Variants in ZCCHC14 observed in about 807,000 individuals in gnomAD.
ZCCHC14 encodes the protein zinc finger CCHC-type containing 14.
ZCCHC14 carries 16 observed loss-of-function variants against 85.0 expected under a neutral mutation model. That is an observed-to-expected ratio of 0.19 (90% confidence interval 0.13 to 0.29). ZCCHC14 has a LOEUF of 0.29. ZCCHC14 is among the 10% of genes least tolerant of loss of function. The probability of loss-of-function intolerance (pLI) is 1.00; values close to 1 mark genes in which losing one functional copy is unlikely to be tolerated. For synonymous variants in ZCCHC14, 775 were observed against 630.7 expected (o/e 1.23, Z -3.43); for missense variants, 1,303 against 1,443.5 (o/e 0.90, Z 1.58).
At chr16:87,485,932 G>A (rs2334189) in intron 1 of ZCCHC14, among the ~76,000 whole-genome samples, 54,480 of 152,064 alleles carry the variant, frequency 0.36, 13,500 homozygotes, top group African/African-American at 0.7. Context: ...CCTATCTCCA[G>A]TTATCTTCGC....
rs1019978492 is a variant in ZCCHC14, at chr16:87,411,539, G to T, written c.3182C>A (p.Pro1061Gln). ...TGHRAQDCKQ[P>Q]SMDFNRPGTF... ...ACCTGGCCGGTTGAAGTCCATGGAC[G>T]GCTGTTTGCAGTCCTGGGCGCGGTG... The change falls in exon 12 of 13, where the codon CCG (proline) becomes CAG (glutamine). Residue 1061 changes from proline to glutamine, a missense_variant. By Grantham distance (76) the Pro-to-Gln change is moderately conservative (BLOSUM62 -1). Transcript: ENST00000671377. 2 of 1,613,608 alleles carry T rather than the reference G, an allele frequency of 1.2e-6. No individual in the cohort carries two copies. Among genetic ancestry groups the T allele is most frequent in the Non-Finnish European group, 1.7e-6 (2 of 1,180,020 alleles).
chr16:87,441,863 G>A (rs573818347), intron 2 of ZCCHC14, among the ~76,000 whole-genome samples: 6 of 152,328 alleles, frequency 3.9e-5, no homozygotes, highest in South Asian at 4.1e-4. Flanking sequence ...CAGGTAAGAC[G>A]GAGCAGCAAC....
chr16:87,419,762 A>G, intron 6 of ZCCHC14, 21 bp downstream of exon 6: 1 of 1,555,048 alleles, frequency 6.4e-7, no homozygotes, highest in South Asian at 1.2e-5. Flanking sequence ...ATTTATATTT[A>G]ACCATATTTT....
chr16:87,423,473 C>T (rs1056091850), intron 4 of ZCCHC14, among the ~76,000 whole-genome samples: 1 of 152,198 alleles, frequency 6.6e-6, no homozygotes, highest in Admixed American at 6.5e-5. Context: ...CCTGAGCATG[C>T]CTCTCTCCCC....
chr16:87,410,703 A>C (rs1908390388), intron 12 of ZCCHC14, among the ~76,000 whole-genome samples: 1 of 152,134 alleles, frequency 6.6e-6, no homozygotes, highest in Admixed American at 6.5e-5. Context: ...CAGCTTTATG[A>C]AGGGAGGCAC....
At chr16:87,438,691 T>G (rs1370736161) in intron 2 of ZCCHC14, among the ~76,000 whole-genome samples, 1 of 152,222 alleles carries the variant, frequency 6.6e-6, no homozygotes. Flanking sequence ...TAAAGGGCCC[T>G]GCTGGGGCAT....
At chr16:87,467,977 AGCCACTGCGCCTG>A (rs1380578282) in intron 1 of ZCCHC14, among the ~76,000 whole-genome samples, 1 of 152,152 alleles carries the variant, frequency 6.6e-6, no homozygotes, top group Non-Finnish European at 1.5e-5. Flanking sequence ...TACAGACATG[AGCCACTGCGCCTG>A]GCTCCCAAAG....
chr16:87,413,297 G>T, intron 10 of ZCCHC14, 102 bp from the exon 11 acceptor site: 4 of 1,414,694 alleles, frequency 2.8e-6, no homozygotes, highest in Non-Finnish European at 3.7e-6. Flanking sequence ...TCCTTCCAGG[G>T]AAACGCAGGG....
intron 3 of ZCCHC14, among the ~76,000 whole-genome samples, chr16:87,424,502 G>A (rs920001490): frequency 6.6e-6 from 1 of 152,202 alleles, no homozygotes; most frequent in Non-Finnish European, 1.5e-5. Flanking sequence ...CCCAGCCCTT[G>A]TGAGCATCAG....
intron 1 of ZCCHC14, among the ~76,000 whole-genome samples, chr16:87,484,302 C>T (rs1912416635): frequency 2.0e-5 from 3 of 152,214 alleles, no homozygotes; most frequent in Non-Finnish European, 4.4e-5. Flanking sequence ...ATGCAGCAGC[C>T]TCTGGCACTT....
chr16:87,442,922 C>T (rs1910254749), intron 2 of ZCCHC14, among the ~76,000 whole-genome samples: 1 of 152,160 alleles, frequency 6.6e-6, no homozygotes, highest in African/African-American at 2.4e-5. Flanking sequence ...AAATAAGACA[C>T]CCTCAGATGA....
At chr16:87,490,438 C>A (rs1912701550) in intron 1 of ZCCHC14, among the ~76,000 whole-genome samples, 1 of 152,220 alleles carries the variant, frequency 6.6e-6, no homozygotes, top group Admixed American at 6.5e-5. Flanking sequence ...CACACCAGGT[C>A]AAAGTAATCT....
chr16:87,440,272 C>A (rs908695810), intron 2 of ZCCHC14, among the ~76,000 whole-genome samples: 5 of 151,914 alleles, frequency 3.3e-5, no homozygotes, highest in African/African-American at 7.3e-5. Context: ...TCAAGCGATT[C>A]TTGTGCCTCA....
chr16:87,473,216 T>TA, intron 1 of ZCCHC14: 1 of 152,256 alleles, frequency 6.6e-6, no homozygotes, highest in South Asian at 2.1e-4. Flanking sequence ...TTTTTTTTTT[T>TA]TTGGAGATGG....
Position 87,492,564 on chromosome 16 carries a change from G to T in ZCCHC14, c.-326C>A. On this transcript the variant is annotated 5_prime_UTR_variant, in exon 1 of 13. Coordinates refer to ENST00000671377, the MANE Select transcript of ZCCHC14 (RefSeq NM_015144.3). This position sits in a 1 kb window ranked among gnomAD's most constrained non-coding sequence, Gnocchi z 6.7. ...CGCCTTCCCCGCGCCCGTGCCCAGC[G>T]GCGGCCGGTGCGCGGCGGCGGCGGC... is the stretch of plus-strand genomic sequence containing the variant. 6.9e-6 allele frequency: 1 copy of T among 145,950 alleles called. No homozygotes were observed. Among genetic ancestry groups the T allele is most frequent in the South Asian group, 1.9e-4 (1 of 5,238 alleles). 9.0% of individuals were successfully genotyped at this position (145,950 alleles called of 1,614,324 possible).
intron 2 of ZCCHC14, among the ~76,000 whole-genome samples, chr16:87,440,102 C>T (rs1910112739): frequency 6.6e-6 from 1 of 152,166 alleles, no homozygotes; most frequent in South Asian, 2.1e-4. Context: ...CCGCTGTGCC[C>T]GGCCTAACAT....
chr16:87,429,602 G>C (rs1308206432), intron 3 of ZCCHC14, among the ~76,000 whole-genome samples: 1 of 152,132 alleles, frequency 6.6e-6, no homozygotes, highest in East Asian at 1.9e-4. Flanking sequence ...GTGACAGAAG[G>C]AGACACTATC....
At chr16:87,444,890 C>T (rs992583722) in intron 2 of ZCCHC14, among the ~76,000 whole-genome samples, 1 of 152,090 alleles carries the variant, frequency 6.6e-6, no homozygotes, top group Non-Finnish European at 1.5e-5. Flanking sequence ...AGGGTGGTGA[C>T]ATCTCAATGC....
At chr16:87,474,302 C>T (rs1338964924) in intron 1 of ZCCHC14, 2 of 152,396 alleles carry the variant, frequency 1.3e-5, no homozygotes, top group African/African-American at 4.8e-5. Context: ...AACTTCAAGG[C>T]ACTGGGCCAT....
Sources: allele counts gnomAD v4.1 joint callset (sites outside exome capture counted in the v4.1 genomes callset), GRCh38; gene constraint gnomAD v4.1.1; non-coding constraint Gnocchi (gnomAD v3.1); transcripts MANE v1.5; gene names NCBI Gene and HGNC (gene_info 2026-07-23, HGNC 2026-07-21).